The following DGKB variants were observed in gnomAD, a reference collection of about 807,000 sequenced individuals.
The protein encoded by DGKB is diacylglycerol kinase beta.
In DGKB, 67 loss-of-function variants were observed where a neutral mutation model predicts 114.3. The observed-to-expected ratio is 0.59, with a 90% CI of 0.48 to 0.72. The LOEUF (loss-of-function observed/expected upper bound fraction) is 0.72. Among genes scored for constraint, DGKB ranks in the 30% least tolerant of loss-of-function variants. DGKB has a pLI of 0.00. For synonymous variants in DGKB, 398 were observed against 323.1 expected (o/e 1.23, Z -2.49); for missense variants, 907 against 975.2 (o/e 0.93, Z 0.93).
intron 23 of DGKB, among the ~76,000 whole-genome samples, chr7:14,314,866 T>A (rs1806166550): frequency 6.6e-6 from 1 of 151,706 alleles, no homozygotes; most frequent in Admixed American, 6.6e-5. Context: ...GAAAAAATGT[T>A]AAGGGCAGCC....
intron 17 of DGKB, among the ~76,000 whole-genome samples, chr7:14,586,256 T>G (rs541163934): frequency 1.3e-5 from 2 of 152,238 alleles, no homozygotes; most frequent in Admixed American, 1.3e-4. Flanking sequence ...GCCTTATTGC[T>G]GATAGGGAGA....
intron 20 of DGKB, among the ~76,000 whole-genome samples, chr7:14,525,265 C>T (rs1790464396): frequency 6.6e-6 from 1 of 152,162 alleles, no homozygotes. Flanking sequence ...CTGAACAATG[C>T]TCTCCCTATT....
chr7:14,413,217 G>T (rs1244906523), intron 21 of DGKB, among the ~76,000 whole-genome samples: 2 of 151,996 alleles, frequency 1.3e-5, no homozygotes, highest in Non-Finnish European at 2.9e-5. Flanking sequence ...AAAACAATAC[G>T]CCATTTCAGC....
At chr7:14,586,831 A>C (rs1189776887) in intron 17 of DGKB, among the ~76,000 whole-genome samples, 5 of 150,932 alleles carry the variant, frequency 3.3e-5, no homozygotes, top group African/African-American at 4.9e-5. Flanking sequence ...GAGTATTTTA[A>C]GTCCACGACT....
intron 23 of DGKB, among the ~76,000 whole-genome samples, chr7:14,179,669 C>T (rs569730813): frequency 2.0e-5 from 3 of 152,038 alleles, no homozygotes; most frequent in Non-Finnish European, 4.4e-5. Context: ...TCTCCAAGTT[C>T]GTTAAGCCCA....
At chr7:14,897,296 C>A (rs1337959746) in intron 1 of DGKB, among the ~76,000 whole-genome samples, 1 of 151,780 alleles carries the variant, frequency 6.6e-6, no homozygotes, top group Non-Finnish European at 1.5e-5. Context: ...TATCACATAA[C>A]CTGATAATTT....
At chr7:14,191,517 C>T (rs184209889) in intron 23 of DGKB, 1 of 197,646 alleles carries the variant, frequency 5.1e-6, no homozygotes, top group Non-Finnish European at 1.1e-5. Context: ...CTGACAAGCC[C>T]TTATTTGTGG....
Position 14,817,600 on chromosome 7 carries a change from A to G in DGKB, c.70+23594T>C, listed in dbSNP as rs1270778156. ...TTTTCTCTTTATTGAGGCATTTCAT[A>G]TATATGCTTCTACAGTAATTTACTC... On this transcript the variant is annotated intron_variant, in intron 2 of 25. Coordinates refer to ENST00000402815, the MANE Select transcript of DGKB (RefSeq NM_001350709.2). Among the ~76,000 whole-genome samples, 4 of 152,182 alleles carry G rather than the reference A, an allele frequency of 2.6e-5. No homozygotes were observed. In the East Asian group the frequency reaches 7.7e-4, roughly 29 times the overall value.
At chr7:14,539,777 A>T (rs1180503027) in intron 20 of DGKB, among the ~76,000 whole-genome samples, 4 of 152,114 alleles carry the variant, frequency 2.6e-5, no homozygotes, top group Admixed American at 2.6e-4. Flanking sequence ...TTTAATTCTT[A>T]ATCAAAATCC....
chr7:14,881,861 T>G (rs1261121371), intron 1 of DGKB, among the ~76,000 whole-genome samples: 2 of 152,096 alleles, frequency 1.3e-5, no homozygotes, highest in Non-Finnish European at 2.9e-5. Flanking sequence ...TAGTATATAT[T>G]GCCTTGTACA....
chr7:14,917,462 T>C (rs528158824), intron 1 of DGKB, among the ~76,000 whole-genome samples: 2 of 151,976 alleles, frequency 1.3e-5, no homozygotes, highest in Non-Finnish European at 2.9e-5. Context: ...ATCCCATTTA[T>C]AATAAAAAGA....
intron 23 of DGKB, among the ~76,000 whole-genome samples, chr7:14,229,816 T>C (rs1174885111): frequency 6.6e-6 from 1 of 151,998 alleles, no homozygotes; most frequent in Non-Finnish European, 1.5e-5. Context: ...TTATGATATA[T>C]TCCGTCCATG....
intron 21 of DGKB, among the ~76,000 whole-genome samples, chr7:14,470,135 T>C (rs936091464): frequency 3.9e-5 from 6 of 151,912 alleles, no homozygotes; most frequent in South Asian, 2.1e-4. Flanking sequence ...TTCATTCTAG[T>C]ACACAGAAAC....
intron 2 of DGKB, among the ~76,000 whole-genome samples, chr7:14,796,099 G>A (rs1358717613): frequency 2.6e-5 from 4 of 152,140 alleles, no homozygotes; most frequent in African/African-American, 7.2e-5. Context: ...TTGGGTGGAA[G>A]AATGGTGAAA....
At chr7:14,791,807 C>A (rs1055097975) in intron 2 of DGKB, among the ~76,000 whole-genome samples, 1 of 152,072 alleles carries the variant, frequency 6.6e-6, no homozygotes, top group Non-Finnish European at 1.5e-5. Context: ...TTTATGTATT[C>A]CTGAATTCTA....
chr7:14,937,168 A>G (rs1441574516), intron 1 of DGKB, among the ~76,000 whole-genome samples: 2 of 151,888 alleles, frequency 1.3e-5, no homozygotes, highest in African/African-American at 4.8e-5. Context: ...ATATACTATC[A>G]ACGTATTAAT....
At chr7:14,266,967 T>TAA (rs796744484) in intron 23 of DGKB, among the ~76,000 whole-genome samples, 38 of 150,462 alleles carry the variant, frequency 2.5e-4, no homozygotes, top group African/African-American at 8.1e-4. Context: ...CCTTATATTT[T>TAA]AAAGCCAATT....
At chr7:14,283,891 G>T (rs933649163) in intron 23 of DGKB, among the ~76,000 whole-genome samples, 6 of 152,062 alleles carry the variant, frequency 3.9e-5, no homozygotes, top group African/African-American at 1.4e-4. Context: ...TTAAACGTTA[G>T]ACCTAAAACC....
chr7:14,598,942 C>T (rs1225342285), intron 17 of DGKB, among the ~76,000 whole-genome samples: 6 of 152,154 alleles, frequency 3.9e-5, no homozygotes, highest in Admixed American at 3.9e-4. Context: ...CTGTGAGGTC[C>T]AGGCCACAGC....
Sources: allele counts gnomAD v4.1 joint callset (sites outside exome capture counted in the v4.1 genomes callset), GRCh38; gene constraint gnomAD v4.1.1; transcripts MANE v1.5; gene names NCBI Gene and HGNC (gene_info 2026-07-23, HGNC 2026-07-21).